CAMTA1: variants seen among roughly 807,000 people sequenced by gnomAD.
The protein encoded by CAMTA1 is calmodulin binding transcription activator 1, also known as calmodulin-binding transcription activator 1.
Under a neutral mutation model 170.9 loss-of-function variants are expected in CAMTA1, and 27 were observed. The observed-to-expected ratio is 0.16, with a 90% confidence interval of 0.12 to 0.22. The LOEUF is 0.22. Among genes scored for constraint, CAMTA1 ranks in the 10% least tolerant of loss-of-function variants. The probability of loss-of-function intolerance (pLI) is 1.00; values close to 1 mark genes in which losing one functional copy is unlikely to be tolerated. For missense variants in CAMTA1, 1,619 were observed against 2,217.2 expected, an observed-to-expected ratio of 0.73 and a Z score of 5.42; for synonymous variants, 833 against 891.5, an observed-to-expected ratio of 0.93 and a Z score of 1.17.
chr1:7,132,909 C>A (rs1041623543), intron 4 of CAMTA1, among the ~76,000 whole-genome samples: 1 of 152,014 alleles, frequency 6.6e-6, no homozygotes, highest in Non-Finnish European at 1.5e-5. Context: ...GGTAAATTAC[C>A]TTAATTGATT....
chr1:7,720,922 G>A (rs1390062325), intron 11 of CAMTA1, among the ~76,000 whole-genome samples: 1 of 152,154 alleles, frequency 6.6e-6, no homozygotes, highest in Non-Finnish European at 1.5e-5. Flanking sequence ...CTTGCCCCTG[G>A]ACAGGTGATA....
chr1:7,234,665 C>CGAGT lies in CAMTA1; in HGVS notation c.303-14825_303-14822dup, dbSNP rs1204754385. ...GCGTTCCTCCAGTCTTGCTCTGGAGCGAGTCTTGGTCATTACCATCTCTCC... is the reference window on the plus strand; with the variant it reads ...GCGTTCCTCCAGTCTTGCTCTGGAGCGAGTGAGTCTTGGTCATTACCATCTCTCC... On this transcript the variant is annotated intron_variant, in intron 4 of 22. Coordinates refer to ENST00000303635, the MANE Select transcript of CAMTA1 (RefSeq NM_015215.4). This position sits in a 1 kb window ranked among gnomAD's most constrained non-coding sequence, Gnocchi z 5.0. 4.6e-5 allele frequency among the ~76,000 whole-genome samples: 7 copies of CGAGT among 152,328 alleles called. No individual in the cohort carries two copies. The highest frequency in any genetic ancestry group is 1.7e-4 in the African/African-American group (7 of 41,570).
At chr1:7,646,597 G>T (rs867745363) in intron 7 of CAMTA1, among the ~76,000 whole-genome samples, 9 of 150,820 alleles carry the variant, frequency 6.0e-5, no homozygotes, top group Middle Eastern at 3.2e-3. Context: ...GGAGGCTCTG[G>T]TGGGTTGGGA....
intron 21 of CAMTA1, among the ~76,000 whole-genome samples, 170 bp downstream of exon 21, chr1:7,752,703 T>A (rs1415488775): frequency 6.6e-6 from 1 of 152,206 alleles, no homozygotes; most frequent in African/African-American, 2.4e-5. Flanking sequence ...ATCAGGTTGC[T>A]ACCCTTGGAG....
At chr1:7,066,318 G>A (rs1708953699) in intron 3 of CAMTA1, among the ~76,000 whole-genome samples, 1 of 152,122 alleles carries the variant, frequency 6.6e-6, no homozygotes, top group Non-Finnish European at 1.5e-5. Context: ...CTCATCTCAG[G>A]TGGGCTGGCT....
At chr1:7,016,384 T>C (rs1700540992) in intron 3 of CAMTA1, among the ~76,000 whole-genome samples, 2 of 152,184 alleles carry the variant, frequency 1.3e-5, no homozygotes, top group African/African-American at 4.8e-5. Flanking sequence ...TTTTATAACC[T>C]TTCAAATGCT....
intron 11 of CAMTA1, among the ~76,000 whole-genome samples, chr1:7,720,006 T>A (rs1054194017): frequency 1.3e-5 from 2 of 152,240 alleles, no homozygotes; most frequent in Non-Finnish European, 2.9e-5. Context: ...TGACGATTGC[T>A]TCTTCATTCA....
In CAMTA1 at chr1:7,315,021, G is replaced by A. The variant is rs146650118; in HGVS notation, c.438+65395G>A. 1.2e-4 allele frequency among the ~76,000 whole-genome samples: 18 copies of A among 152,360 alleles called. No individual in the cohort carries two copies. The East Asian group carries it at 2.5e-3, about 21-fold the overall frequency. On this transcript the variant is annotated intron_variant, in intron 5 of 22. Coordinates refer to ENST00000303635, the MANE Select transcript of CAMTA1 (RefSeq NM_015215.4). ...TTAGATTCAGTGAAAAAGAGAGCAG[G>A]GATGAGGATGTTGAAGGGGTTTTGA... is the stretch of plus-strand genomic sequence containing the variant.
rs114030987 is a variant in CAMTA1 at position 7,668,248 on chromosome 1, C to T, written c.2653-2663C>T. The stretch of plus-strand genomic sequence containing the variant: ...CTCAGCACCCCCACCCAGCTCTAAA[C>T]CTCAATGCATCTACCTAGCAGGAAT... On this transcript the variant is annotated intron_variant, in intron 9 of 22. Coordinates refer to ENST00000303635, the MANE Select transcript of CAMTA1 (RefSeq NM_015215.4). Among the ~76,000 whole-genome samples, 1,106 of 152,288 alleles carry T rather than the reference C, an allele frequency of 7.3e-3. 14 individuals are homozygous for T. The highest frequency in any genetic ancestry group is 0.025 in the African/African-American group (1,059 of 41,554).
intron 5 of CAMTA1, among the ~76,000 whole-genome samples, chr1:7,291,334 T>A (rs901941367): frequency 6.6e-6 from 1 of 152,076 alleles, no homozygotes; most frequent in Non-Finnish European, 1.5e-5. Flanking sequence ...GAACCTAGGC[T>A]ATGGAGTCAG....
rs561270162 is a variant in CAMTA1 at position 7,288,995 on chromosome 1, C to T, written c.438+39369C>T. Among the ~76,000 whole-genome samples, 7 of 152,270 alleles carry T rather than the reference C, an allele frequency of 4.6e-5. No individual in the cohort carries two copies. The East Asian group carries it at 1.2e-3, about 25-fold the overall frequency. On this transcript the variant is annotated intron_variant, in intron 5 of 22. Coordinates refer to ENST00000303635, the MANE Select transcript of CAMTA1 (RefSeq NM_015215.4). ...CATGATTCTGGTATCTTCTTGGCTT[C>T]TGGGGAGGCCTCAGAAAACTTACAA...
At chr1:7,358,214 C>A (rs555634158) in intron 5 of CAMTA1, among the ~76,000 whole-genome samples, 1 of 152,294 alleles carries the variant, frequency 6.6e-6, no homozygotes, top group Admixed American at 6.5e-5. Flanking sequence ...CCTCTGGTAC[C>A]GAGGAGGTGA....
intron 22 of CAMTA1, among the ~76,000 whole-genome samples, chr1:7,758,864 G>A (rs1577475140): frequency 6.7e-6 from 1 of 149,348 alleles, no homozygotes; most frequent in Admixed American, 6.7e-5. Context: ...GAATCCGGGA[G>A]GCGGAGCTTG....
intron 5 of CAMTA1, among the ~76,000 whole-genome samples, chr1:7,310,620 CTTT>C (rs1676353987): frequency 2.3e-4 from 1 of 4,358 alleles, no homozygotes; most frequent in Non-Finnish European, 4.5e-4. Flanking sequence ...TTCTTTCTTT[CTTT>C]CTTTCTTTCT....
At chr1:7,015,856 G>A (rs1408511854) in intron 3 of CAMTA1, among the ~76,000 whole-genome samples, 1 of 152,178 alleles carries the variant, frequency 6.6e-6, no homozygotes, top group African/African-American at 2.4e-5. Flanking sequence ...TACAATCATG[G>A]CAGAAGGCGA....
At chr1:7,437,538 G>A (rs1487660972) in intron 5 of CAMTA1, among the ~76,000 whole-genome samples, 1 of 152,206 alleles carries the variant, frequency 6.6e-6, no homozygotes, top group East Asian at 1.9e-4. Context: ...CGACTCATCT[G>A]AACTCCTTAC....
At chr1:7,518,285 G>T (rs181061673) in intron 6 of CAMTA1, among the ~76,000 whole-genome samples, 2 of 152,036 alleles carry the variant, frequency 1.3e-5, no homozygotes, top group East Asian at 3.9e-4. Flanking sequence ...AGGTGTGGCG[G>T]GATCTCTCCA....
intron 5 of CAMTA1, among the ~76,000 whole-genome samples, chr1:7,412,240 G>A (rs74940973): frequency 0.072 from 10,934 of 152,078 alleles, 1,054 homozygotes; most frequent in African/African-American, 0.22. Context: ...TGTCTTTATA[G>A]CAGCATGATT....
intron 5 of CAMTA1, among the ~76,000 whole-genome samples, chr1:7,460,478 C>T (rs1159972997): frequency 1.3e-5 from 2 of 152,130 alleles, no homozygotes; most frequent in Non-Finnish European, 2.9e-5. Flanking sequence ...TCAAGGCAGG[C>T]ACAGAGCAGA....
Sources: allele counts gnomAD v4.1 joint callset (sites outside exome capture counted in the v4.1 genomes callset), GRCh38; gene constraint gnomAD v4.1.1; non-coding constraint Gnocchi (gnomAD v3.1); transcripts MANE v1.5; gene names NCBI Gene and HGNC (gene_info 2026-07-23, HGNC 2026-07-21).